Variants in CCDC82 observed in about 807,000 individuals in gnomAD.
The protein encoded by CCDC82 is coiled-coil domain containing 82, also known as coiled-coil domain-containing protein 82.
CCDC82 carries 47 observed loss-of-function variants against 60.6 expected under a neutral mutation model. The observed-to-expected ratio is 0.77, with a 90% confidence interval of 0.61 to 0.99. The LOEUF is 0.99. Ranked by LOEUF, CCDC82 falls within the 50% of genes least tolerant of loss-of-function variation. CCDC82 has a pLI of 0.00. For missense variants in CCDC82, 588 were observed against 633.0 expected, an observed-to-expected ratio of 0.93 and a Z score of 0.76; for synonymous variants, 212 against 207.4, an observed-to-expected ratio of 1.02 and a Z score of -0.19.
rs1373419676 is a variant in CCDC82 at position 96,384,596 on chromosome 11, C to T, written c.152G>A (p.Ser51Asn). Reference sequence around the variant, plus strand: ...TTCATCACTATCAAGCTCTTCATCACTATCAAATTCTTCACTATCAAGCTC... The same window carrying T: ...TTCATCACTATCAAGCTCTTCATCATTATCAAATTCTTCACTATCAAGCTC... ...DEELDSEEFD[S>N]DEELDSDESF... Residue 51 changes from serine to asparagine, a missense_variant, in exon 4 of 10, where the codon AGT (serine) becomes AAT (asparagine). Ser to Asn is a conservative substitution (Grantham distance 46). Transcript: ENST00000646818. 1.2e-6 allele frequency: 2 copies of T among 1,613,402 alleles called. No homozygotes were observed. Among genetic ancestry groups the T allele is most frequent in the African/African-American group, 2.7e-5 (2 of 74,884 alleles).
intron 8 of CCDC82, among the ~76,000 whole-genome samples, chr11:96,359,441 G>T (rs1050926081): frequency 6.6e-6 from 1 of 151,944 alleles, no homozygotes; most frequent in African/African-American, 2.4e-5. Context: ...AAGACAAATG[G>T]TTACAAAACA....
At chr11:96,369,288 G>A (rs1865126563) in intron 7 of CCDC82, among the ~76,000 whole-genome samples, 1 of 152,164 alleles carries the variant, frequency 6.6e-6, no homozygotes, top group Admixed American at 6.5e-5. Flanking sequence ...ACTTTCCTTT[G>A]CATTCACAAC....
chr11:96,361,207 T>C (rs2136081130), intron 8 of CCDC82, among the ~76,000 whole-genome samples: 1 of 152,362 alleles, frequency 6.6e-6, no homozygotes, highest in Non-Finnish European at 1.5e-5. Context: ...ATAGCTGTTC[T>C]ACATGAAGTA....
intron 8 of CCDC82, chr11:96,363,489 C>T (rs1301055684): frequency 2.0e-5 from 3 of 152,164 alleles, no homozygotes; most frequent in Admixed American, 2.0e-4. Flanking sequence ...TAGTTATATA[C>T]GCATACACAC....
intron 1 of CCDC82, chr11:96,388,852 G>C (rs1422066163): frequency 6.6e-6 from 1 of 152,170 alleles, no homozygotes; most frequent in Non-Finnish European, 1.5e-5. Flanking sequence ...AGTTTGGAGA[G>C]CAAAGATTAA....
intron 9 of CCDC82, chr11:96,356,972 A>C (rs2136056073): frequency 1.0e-6 from 1 of 985,506 alleles, no homozygotes; most frequent in Non-Finnish European, 1.2e-6. Context: ...TAAATGGGAA[A>C]TATGAGCGGA....
chr11:96,366,186 A>C (rs1304985995), intron 7 of CCDC82, among the ~76,000 whole-genome samples: 1 of 152,214 alleles, frequency 6.6e-6, no homozygotes, highest in Non-Finnish European at 1.5e-5. Flanking sequence ...TCCCTGAGTG[A>C]CTACAGTCAG....
At chr11:96,358,238 TCTTATACATTCATGTAA>T (rs1431509856) in intron 9 of CCDC82, 4 of 1,046,012 alleles carry the variant, frequency 3.8e-6, no homozygotes, top group South Asian at 4.6e-5. Flanking sequence ...ATTTGTTCTC[TCTTATACATTCATGTAA>T]CTAGACTTGT....
intron 5 of CCDC82, chr11:96,382,107 T>A (rs1451824182): frequency 6.6e-6 from 1 of 151,840 alleles, no homozygotes; most frequent in African/African-American, 2.4e-5. Context: ...GCACTCATAC[T>A]GCATACCAAA....
rs7933526 is a variant in CCDC82, at chr11:96,360,388, C to T, written c.1381-1210G>A. ...TTTTTTTTTGTATTTTTAGTAGAGA[C>T]GGGATTTCACCATGTTGGCCATGGT... On this transcript the variant is annotated intron_variant, in intron 8 of 9. Transcript: ENST00000646818. Among the ~76,000 whole-genome samples the T allele has an allele frequency of 3.6e-4, 54 of 150,534 alleles. No individual in the cohort carries two copies. The East Asian group carries it at 3.7e-3, about 10-fold the overall frequency.
At chr11:96,384,792 G>A (rs1326816077) in intron 3 of CCDC82, 31 bp from the exon 4 acceptor site, 2 of 1,365,612 alleles carry the variant, frequency 1.5e-6, no homozygotes, top group Non-Finnish European at 2.0e-6. Context: ...GAATATAACA[G>A]TGATAACCAG....
At chr11:96,380,654 T>TA (rs1865828969) in intron 5 of CCDC82, 1 of 151,746 alleles carries the variant, frequency 6.6e-6, no homozygotes, top group Non-Finnish European at 1.5e-5. Flanking sequence ...TATTCAGCGA[T>TA]AAAAAGAAAT....
chr11:96,379,143 G>A (rs1002255395), intron 5 of CCDC82, among the ~76,000 whole-genome samples: 2 of 151,908 alleles, frequency 1.3e-5, no homozygotes, highest in Non-Finnish European at 1.5e-5. Context: ...AACCCAAGTC[G>A]TAGAGTGGTG....
chr11:96,382,389 T>C (rs1054573916), intron 5 of CCDC82: 112 of 151,958 alleles, frequency 7.4e-4, no homozygotes, highest in African/African-American at 2.7e-3. Context: ...ATTCTGAGCC[T>C]GACGGCTTCT....
Position 96,367,820 on chromosome 11 carries a change from C to CTTT in CCDC82, c.1210-2673_1210-2671dup, listed in dbSNP as rs777554159. ...TGCTACAATCTTATGAAATGTATTT[C>CTTT]TTTTTTTTTTTTTTTTTTTGAGACA... On this transcript the variant is annotated intron_variant, in intron 7 of 9. Transcript: ENST00000646818. Among the ~76,000 whole-genome samples the CTTT allele has an allele frequency of 2.1e-3, 255 of 122,700 alleles. 2 individuals carry two copies. The highest frequency in any genetic ancestry group is 2.6e-3 in the Non-Finnish European group (154 of 60,018). The allele number at this position is 122,700 out of a possible 152,430, so 80.5% of individuals were successfully genotyped here. A position where few individuals can be genotyped will look rare whatever the true frequency, so the allele number is the denominator to read the frequency against.
chr11:96,357,780 T>C (rs759278213), intron 9 of CCDC82: 2 of 985,156 alleles, frequency 2.0e-6, no homozygotes, highest in Non-Finnish European at 2.4e-6. Flanking sequence ...TCTAGGAAAA[T>C]GAAGACGGGA....
rs1462908646 is a variant in CCDC82, at chr11:96,389,489, CA to C, written c.-139+354del. 4 of 152,516 alleles carry C rather than the reference CA, an allele frequency of 2.6e-5. No individual in the cohort carries two copies. The East Asian group carries it at 7.7e-4, about 29-fold the overall frequency. 9.4% of individuals were successfully genotyped at this position (152,516 alleles called of 1,614,324 possible). A position where few individuals can be genotyped will look rare whatever the true frequency, so the allele number is the denominator to read the frequency against. On this transcript the variant is annotated intron_variant, in intron 1 of 9. Coordinates refer to ENST00000646818, the MANE Select transcript of CCDC82 (RefSeq NM_024725.4). Reference sequence around the variant, plus strand: ...AGGCCAAGCTTCGCGATGACGCGCGCAGGACGACGGAAACCCCCAGACCCCA... The same window carrying C: ...AGGCCAAGCTTCGCGATGACGCGCGCGGACGACGGAAACCCCCAGACCCCA...
At chr11:96,357,244 G>C in intron 9 of CCDC82, 1 of 985,334 alleles carries the variant, frequency 1.0e-6, no homozygotes, top group Non-Finnish European at 1.2e-6. Context: ...TGGTTTCTAG[G>C]AAATCTTTTG....
At chr11:96,381,979 C>T (rs1865899449) in intron 5 of CCDC82, 1 of 151,772 alleles carries the variant, frequency 6.6e-6, no homozygotes, top group South Asian at 2.1e-4. Context: ...TAAAAAAAGC[C>T]ACTTTCACTT....
Sources: allele counts gnomAD v4.1 joint callset (sites outside exome capture counted in the v4.1 genomes callset), GRCh38; gene constraint gnomAD v4.1.1; transcripts MANE v1.5; gene names NCBI Gene and HGNC (gene_info 2026-07-23, HGNC 2026-07-21).